Variants in KCNMB2 observed in about 807,000 individuals in gnomAD.
KCNMB2 encodes the protein potassium calcium-activated channel subfamily M regulatory beta subunit 2.
Under a neutral mutation model 24.5 loss-of-function variants are expected in KCNMB2, and 9 were observed. The ratio of observed to expected loss-of-function variants is 0.37; its 90% CI spans 0.22 to 0.64. KCNMB2 has a LOEUF of 0.64. Among genes scored for constraint, KCNMB2 ranks in the 30% least tolerant of loss-of-function variants. The probability of loss-of-function intolerance (pLI) is 0.63; values close to 1 mark genes in which losing one functional copy is unlikely to be tolerated. For missense variants in KCNMB2, 226 were observed against 284.3 expected (o/e 0.79, Z 1.47); for synonymous variants, 109 against 104.4 (o/e 1.04, Z -0.27).
chr3:178,823,151 G>C (rs1714697314), intron 2 of KCNMB2, among the ~76,000 whole-genome samples: 3 of 152,220 alleles, frequency 2.0e-5, no homozygotes, highest in African/African-American at 7.2e-5. Context: ...CCTAAAGGGT[G>C]AAGTTTTAAA....
At chr3:178,816,412 T>A (rs1560033042) in intron 2 of KCNMB2, among the ~76,000 whole-genome samples, 1 of 151,990 alleles carries the variant, frequency 6.6e-6, no homozygotes, top group Non-Finnish European at 1.5e-5. Context: ...TTTTCATTAG[T>A]CTTTTCAAAA....
At chr3:178,571,276 G>A (rs1283571413) in intron 1 of KCNMB2, among the ~76,000 whole-genome samples, 2 of 149,828 alleles carry the variant, frequency 1.3e-5, no homozygotes, top group African/African-American at 2.5e-5. Flanking sequence ...TTTTGTTGTT[G>A]TTGTTGTTCT....
At chr3:178,577,933 A>G (rs1320578189) in intron 1 of KCNMB2, among the ~76,000 whole-genome samples, 1 of 152,222 alleles carries the variant, frequency 6.6e-6, no homozygotes, top group African/African-American at 2.4e-5. Context: ...GGGAGAATGG[A>G]ACCAAGTTGG....
chr3:178,702,957 G>A (rs1722153128), intron 1 of KCNMB2, among the ~76,000 whole-genome samples: 1 of 152,186 alleles, frequency 6.6e-6, no homozygotes, highest in Admixed American at 6.6e-5. Flanking sequence ...TGGTAGGGAT[G>A]TATTTTCAGG....
At chr3:178,731,929 G>A (rs192736327) in intron 1 of KCNMB2, among the ~76,000 whole-genome samples, 13 of 152,178 alleles carry the variant, frequency 8.5e-5, no homozygotes, top group Admixed American at 2.6e-4. Flanking sequence ...ATCTGATTAA[G>A]CCTGTAGATC....
chr3:178,539,514 T>G (rs1448219551), intron 1 of KCNMB2, among the ~76,000 whole-genome samples: 1 of 152,208 alleles, frequency 6.6e-6, no homozygotes, highest in Non-Finnish European at 1.5e-5. Context: ...TCTTTGTCTG[T>G]GATCCTGCTG....
chr3:178,567,684 G>T (rs755355106), intron 1 of KCNMB2, among the ~76,000 whole-genome samples: 5 of 152,034 alleles, frequency 3.3e-5, no homozygotes, highest in Admixed American at 6.6e-5. Context: ...GGACATTTGC[G>T]CCAGGACAAA....
intron 1 of KCNMB2, among the ~76,000 whole-genome samples, chr3:178,673,353 T>G (rs1489826420): frequency 6.6e-6 from 1 of 152,162 alleles, no homozygotes; most frequent in Non-Finnish European, 1.5e-5. Context: ...TATTACCAAA[T>G]GCAATATTCT....
intron 1 of KCNMB2, among the ~76,000 whole-genome samples, chr3:178,557,259 A>G (rs1716156634): frequency 6.6e-6 from 1 of 152,192 alleles, no homozygotes; most frequent in African/African-American, 2.4e-5. Flanking sequence ...GAAGAACTGG[A>G]CATTGGATTA....
At chr3:178,759,750 ATATC>A (rs1296685035) in intron 1 of KCNMB2, among the ~76,000 whole-genome samples, 1 of 17,612 alleles carries the variant, frequency 5.7e-5, no homozygotes, top group Admixed American at 7.2e-4. Flanking sequence ...CCAAGAGGAT[ATATC>A]TATATATATA....
chr3:178,583,769 T>A (rs568151721), intron 1 of KCNMB2, among the ~76,000 whole-genome samples: 69 of 152,282 alleles, frequency 4.5e-4, no homozygotes, highest in Admixed American at 1.4e-3. Flanking sequence ...ATAATGCACA[T>A]AAATGTACTC....
chr3:178,804,882 C>T (rs913551279), intron 1 of KCNMB2, among the ~76,000 whole-genome samples: 10 of 152,174 alleles, frequency 6.6e-5, no homozygotes, highest in African/African-American at 2.4e-4. Context: ...TAAGCCAATC[C>T]TCATTCTTAT....
intron 1 of KCNMB2, among the ~76,000 whole-genome samples, chr3:178,545,550 G>A (rs976044032): frequency 2.6e-5 from 4 of 152,136 alleles, no homozygotes; most frequent in African/African-American, 4.8e-5. Flanking sequence ...GAATCATTCC[G>A]GACATGCTGC....
chr3:178,659,029 G>T (rs1441710463), intron 1 of KCNMB2, among the ~76,000 whole-genome samples: 2 of 152,188 alleles, frequency 1.3e-5, no homozygotes, highest in East Asian at 1.9e-4. Context: ...AAAGTGAACG[G>T]GCTCTCAGAA....
intron 1 of KCNMB2, among the ~76,000 whole-genome samples, chr3:178,537,656 A>C (rs775660677): frequency 6.6e-6 from 1 of 152,146 alleles, no homozygotes; most frequent in African/African-American, 2.4e-5. Context: ...TTCTAAGGCA[A>C]AAGTACAATG....
At chr3:178,695,052 G>T (rs548361068) in intron 1 of KCNMB2, among the ~76,000 whole-genome samples, 1 of 152,246 alleles carries the variant, frequency 6.6e-6, no homozygotes, top group Admixed American at 6.5e-5. Context: ...ATTTCTATAC[G>T]TCCTCTGAAA....
intron 1 of KCNMB2, among the ~76,000 whole-genome samples, chr3:178,781,004 A>G (rs78311903): frequency 0.011 from 1,615 of 152,348 alleles, 42 homozygotes; most frequent in East Asian, 0.11. Context: ...GCAAAGTGCT[A>G]TAAGTATAAA....
chr3:178,614,287 A>ATATATATGTATG (rs1718616392), intron 1 of KCNMB2, among the ~76,000 whole-genome samples: 3 of 74,510 alleles, frequency 4.0e-5, no homozygotes, highest in African/African-American at 1.3e-4. Flanking sequence ...ATATATATAT[A>ATATATATGTATG]TATATATATG....
At chr3:178,840,138 C>G (rs1715374921) in intron 4 of KCNMB2, among the ~76,000 whole-genome samples, 1 of 152,126 alleles carries the variant, frequency 6.6e-6, no homozygotes, top group Non-Finnish European at 1.5e-5. Flanking sequence ...GACCACAGGC[C>G]CCATACAAGT....
Sources: gnomAD v4.1 joint callset for allele counts (sites outside exome capture counted in the v4.1 genomes callset) on GRCh38, gnomAD v4.1.1 for gene constraint, MANE v1.5 for transcripts, NCBI Gene and HGNC (gene_info 2026-07-23, HGNC 2026-07-21) for gene names.